The following GPR89B variants were observed in gnomAD, a reference collection of about 807,000 sequenced individuals.
GPR89B encodes golgi pH regulator B, also known as G protein-coupled receptor 89B.
In GPR89B, 25 loss-of-function variants were observed where a neutral mutation model predicts 52.4. That is an observed-to-expected ratio of 0.48 (90% confidence interval 0.35 to 0.67). The LOEUF (loss-of-function observed/expected upper bound fraction) is 0.67. Among genes scored for constraint, GPR89B ranks in the 30% least tolerant of loss-of-function variants. The probability of loss-of-function intolerance (pLI) is 0.01; values close to 1 mark genes in which losing one functional copy is unlikely to be tolerated. For synonymous variants in GPR89B, 52 were observed against 151.2 expected (o/e 0.34, Z 4.81); for missense variants, 146 against 450.2 (o/e 0.32, Z 6.11).
At chr1:148,014,442 C>T in the GPR89B span, 3 of 151,074 alleles carry the variant, frequency 2.0e-5, no homozygotes, top group Non-Finnish European at 2.9e-5. Flanking sequence ...ACCCAGCCGC[C>T]GGATAGCGCA....
intron 1 of GPR89B, among the ~76,000 whole-genome samples, chr1:147,929,261 T>TA (rs1653324836): frequency 6.6e-6 from 1 of 150,766 alleles, no homozygotes; most frequent in East Asian, 2.0e-4. Flanking sequence ...GCTCTGAGCG[T>TA]AAAAACATGT....
At chr1:147,949,678 C>T (rs1553250541) in intron 5 of GPR89B, among the ~76,000 whole-genome samples, 4 of 135,614 alleles carry the variant, frequency 2.9e-5, no homozygotes, top group Non-Finnish European at 3.2e-5. Context: ...GGGGCTGACC[C>T]CCCCACCTCC....
intron 5 of GPR89B, among the ~76,000 whole-genome samples, chr1:147,950,200 T>G (rs1461224542): frequency 1.6e-5 from 2 of 127,134 alleles, no homozygotes; most frequent in Admixed American, 8.2e-5. Flanking sequence ...AGGCGGAGGG[T>G]CTCCTCACTT....
chr1:147,957,881 G>A (rs1415455121), intron 7 of GPR89B, among the ~76,000 whole-genome samples: 3 of 151,826 alleles, frequency 2.0e-5, no homozygotes, highest in Non-Finnish European at 4.4e-5. Flanking sequence ...TGGCTAATAC[G>A]GTGAAACCCC....
chr1:147,930,092 T>C (rs587763534), intron 1 of GPR89B, among the ~76,000 whole-genome samples: 74 of 152,348 alleles, frequency 4.9e-4, no homozygotes, highest in African/African-American at 1.5e-3. Flanking sequence ...ATGGATATAA[T>C]TGATACGTTG....
chr1:148,021,013 CAG>C, the GPR89B span, among the ~76,000 whole-genome samples: 1 of 151,646 alleles, frequency 6.6e-6, no homozygotes, highest in Non-Finnish European at 1.5e-5. Flanking sequence ...CGAGACTTTG[CAG>C]AGACTGTCTT....
At chr1:147,986,068 A>G (rs1326352882) in intron 10 of GPR89B, 131 bp from the exon 11 acceptor site, 21 of 1,571,738 alleles carry the variant, frequency 1.3e-5, no homozygotes, top group Non-Finnish European at 1.7e-5. Flanking sequence ...TTGGATTAAG[A>G]GTAGAATTGC....
the GPR89B span, among the ~76,000 whole-genome samples, chr1:148,000,629 C>T: frequency 6.7e-6 from 1 of 150,298 alleles, no homozygotes; most frequent in Non-Finnish European, 1.5e-5. Flanking sequence ...CTCTGTACCG[C>T]TTATTTTAGA....
the GPR89B span, among the ~76,000 whole-genome samples, chr1:148,021,103 C>G: frequency 1.3e-5 from 2 of 152,150 alleles, no homozygotes; most frequent in East Asian, 3.9e-4. Flanking sequence ...TTTATCGTCT[C>G]TGCTGTCGGA....
the GPR89B span, among the ~76,000 whole-genome samples, chr1:148,000,935 T>A: frequency 8.3e-6 from 1 of 121,096 alleles, no homozygotes; most frequent in Non-Finnish European, 1.7e-5. Context: ...TACAAGTTGT[T>A]TAATAATCCT....
the GPR89B span, chr1:148,009,423 A>G: frequency 6.2e-7 from 1 of 1,610,698 alleles, no homozygotes; most frequent in Non-Finnish European, 8.5e-7. Context: ...CCAAGTTTGC[A>G]CACCTCCATT....
chr1:148,011,445 A>G, the GPR89B span: 1 of 152,256 alleles, frequency 6.6e-6, no homozygotes, highest in African/African-American at 2.4e-5. Context: ...TCCAAAGGCC[A>G]TCAGACGGAT....
chr1:148,004,148 T>G, the GPR89B span, among the ~76,000 whole-genome samples: 2 of 144,742 alleles, frequency 1.4e-5, no homozygotes, highest in Non-Finnish European at 3.1e-5. Context: ...CTAACTGATA[T>G]GTATTTATCG....
At chr1:148,010,027 A>C in the GPR89B span, 1 of 165,708 alleles carries the variant, frequency 6.0e-6, no homozygotes, top group African/African-American at 2.5e-5. Flanking sequence ...TCAGTGTTCC[A>C]TGTAGTATAA....
At chr1:147,995,722 A>G, downstream of GPR89B, 1 of 1,607,874 alleles carries the variant, frequency 6.2e-7, no homozygotes, top group East Asian at 2.2e-5. Context: ...GGAAATAATC[A>G]TAGGCCTTCT....
At chr1:147,987,049 C>T (rs1285145191) in intron 11 of GPR89B, among the ~76,000 whole-genome samples, 56 of 151,912 alleles carry the variant, frequency 3.7e-4, no homozygotes, top group Middle Eastern at 3.4e-3. Flanking sequence ...CCCAGCCAGA[C>T]GTGCCCCTAA....
chr1:148,015,136 G>T, the GPR89B span, among the ~76,000 whole-genome samples: 1 of 150,504 alleles, frequency 6.6e-6, no homozygotes, highest in South Asian at 2.1e-4. Flanking sequence ...TCTACTGAGC[G>T]TTTCTTGCAT....
intron 7 of GPR89B, among the ~76,000 whole-genome samples, chr1:147,963,949 T>G (rs1412884246): frequency 7.2e-5 from 11 of 152,164 alleles, no homozygotes; most frequent in Non-Finnish European, 1.5e-4. Flanking sequence ...TACCGTATGA[T>G]TCTAGTTATA....
chr1:147,961,837 G>GT (rs1656596412), intron 7 of GPR89B, among the ~76,000 whole-genome samples: 1 of 151,890 alleles, frequency 6.6e-6, no homozygotes, highest in Non-Finnish European at 1.5e-5. Flanking sequence ...AATAAACCAT[G>GT]TTAATAGATT....
Sources: gnomAD v4.1 joint callset for allele counts (sites outside exome capture counted in the v4.1 genomes callset) on GRCh38, gnomAD v4.1.1 for gene constraint, MANE v1.5 for transcripts, NCBI Gene and HGNC (gene_info 2026-07-23, HGNC 2026-07-21) for gene names.